Variants in RPS6KC1 observed in about 807,000 individuals in gnomAD.
RPS6KC1 encodes inactive ribosomal protein S6 kinase delta-1.
In RPS6KC1, 54 loss-of-function variants were observed where a neutral mutation model predicts 103.8. That is an observed-to-expected ratio of 0.52 (90% confidence interval 0.42 to 0.65). The LOEUF (loss-of-function observed/expected upper bound fraction) is 0.65. Ranked by LOEUF, RPS6KC1 falls within the 30% of genes least tolerant of loss-of-function variation. The pLI, the probability that RPS6KC1 is intolerant of heterozygous loss-of-function variation, is 0.00. For synonymous variants in RPS6KC1, 439 were observed against 438.7 expected, an observed-to-expected ratio of 1.00 and a Z score of -0.01; for missense variants, 1,151 against 1,253.8, an observed-to-expected ratio of 0.92 and a Z score of 1.24.
chr1:213,813,641 T>TA, the RPS6KC1 span, among the ~76,000 whole-genome samples: 1 of 152,180 alleles, frequency 6.6e-6, no homozygotes, highest in African/African-American at 2.4e-5. Context: ...CTACTAACAC[T>TA]AAAAACCTTT....
chr1:213,345,089 G>A, the RPS6KC1 span, among the ~76,000 whole-genome samples: 2 of 152,052 alleles, frequency 1.3e-5, no homozygotes, highest in Non-Finnish European at 2.9e-5. Flanking sequence ...TATACTATTT[G>A]GTTCTGCAGT....
chr1:213,091,832 AATAGTT>A (rs1259208891), intron 3 of RPS6KC1, among the ~76,000 whole-genome samples: 2 of 152,234 alleles, frequency 1.3e-5, no homozygotes, highest in Non-Finnish European at 1.5e-5. Context: ...TCCAAATCTG[AATAGTT>A]ATAGTTTGTT....
the RPS6KC1 span, among the ~76,000 whole-genome samples, chr1:213,700,604 A>G: frequency 1.3e-5 from 2 of 151,430 alleles, no homozygotes; most frequent in African/African-American, 4.9e-5. Flanking sequence ...TGTCATTGGT[A>G]TTTTGATCAA....
chr1:213,816,444 C>G, the RPS6KC1 span, among the ~76,000 whole-genome samples: 1 of 152,168 alleles, frequency 6.6e-6, no homozygotes, highest in Middle Eastern at 3.2e-3. Context: ...TTCCATTTTG[C>G]CCTTAAGAGT....
rs769608427 is a variant in RPS6KC1 at position 213,167,855 on chromosome 1, T to TA, written c.836-2dup. 5.4e-5 allele frequency: 85 copies of TA among 1,587,800 alleles called. No homozygotes were observed. Among genetic ancestry groups the TA allele is most frequent in the Non-Finnish European group, 7.3e-5 (85 of 1,168,704 alleles). On this transcript the variant is annotated splice_polypyrimidine_tract_variant and splice_region_variant and intron_variant, in intron 6 of 14. Transcript: ENST00000366960. ...TTTTACATGTCCAGACTTTTTTTTT[T>TA]AGGAGAGTCAAGCCCTACCCGTCGA... is the stretch of plus-strand genomic sequence containing the variant.
the RPS6KC1 span, among the ~76,000 whole-genome samples, chr1:213,584,515 G>A: frequency 6.6e-6 from 1 of 152,204 alleles, no homozygotes. Flanking sequence ...ATCTATGGAT[G>A]CTCTGGTGCA....
chr1:213,838,436 G>A, the RPS6KC1 span, among the ~76,000 whole-genome samples: 1 of 152,114 alleles, frequency 6.6e-6, no homozygotes, highest in Non-Finnish European at 1.5e-5. Flanking sequence ...TTCTTTCCCT[G>A]AGCAAAGAAG....
At chr1:213,603,550 G>A in the RPS6KC1 span, among the ~76,000 whole-genome samples, 28 of 151,888 alleles carry the variant, frequency 1.8e-4, no homozygotes, top group African/African-American at 5.1e-4. Flanking sequence ...TCGAATGATT[G>A]ATTTTTTTTG....
chr1:213,814,647 T>A, the RPS6KC1 span, among the ~76,000 whole-genome samples: 1 of 152,198 alleles, frequency 6.6e-6, no homozygotes, highest in Non-Finnish European at 1.5e-5. Flanking sequence ...ACTGAATGGT[T>A]ATTCAGGGCT....
At chr1:213,516,417 T>A in the RPS6KC1 span, among the ~76,000 whole-genome samples, 1 of 152,224 alleles carries the variant, frequency 6.6e-6, no homozygotes, top group African/African-American at 2.4e-5. Context: ...AATACCTAAT[T>A]TATTGAGAAT....
chr1:213,599,005 A>G, the RPS6KC1 span, among the ~76,000 whole-genome samples: 1 of 152,218 alleles, frequency 6.6e-6, no homozygotes, highest in Non-Finnish European at 1.5e-5. Context: ...CTGGCATAAA[A>G]TGTAAAAATG....
the RPS6KC1 span, among the ~76,000 whole-genome samples, chr1:213,619,298 A>G: frequency 3.9e-5 from 6 of 152,336 alleles, no homozygotes; most frequent in South Asian, 1.2e-3. Flanking sequence ...TCTCATGTGC[A>G]TCTCTTTTTA....
At chr1:213,052,961 TAA>T (rs1184147602) in intron 1 of RPS6KC1, among the ~76,000 whole-genome samples, 1 of 152,186 alleles carries the variant, frequency 6.6e-6, no homozygotes, top group African/African-American at 2.4e-5. Context: ...CATGTCTGTA[TAA>T]AGATAATGAG....
At chr1:213,198,493 T>C (rs1227426480) in intron 8 of RPS6KC1, among the ~76,000 whole-genome samples, 2 of 152,232 alleles carry the variant, frequency 1.3e-5, no homozygotes, top group African/African-American at 4.8e-5. Context: ...TTTAGATGTC[T>C]AGATCTCTGG....
the RPS6KC1 span, among the ~76,000 whole-genome samples, chr1:213,749,806 G>A: frequency 1.3e-5 from 2 of 152,168 alleles, no homozygotes; most frequent in African/African-American, 2.4e-5. Flanking sequence ...CCCCAAACTC[G>A]CACTTGGAAT....
the RPS6KC1 span, among the ~76,000 whole-genome samples, chr1:213,539,051 C>T: frequency 3.9e-5 from 6 of 152,316 alleles, no homozygotes; most frequent in East Asian, 7.7e-4. Context: ...TGTTGGGTAA[C>T]TGAAGATGCT....
At chr1:213,130,279 AC>A (rs1172960502) in intron 6 of RPS6KC1, among the ~76,000 whole-genome samples, 1 of 152,214 alleles carries the variant, frequency 6.6e-6, no homozygotes, top group African/African-American at 2.4e-5. Context: ...GGATTTTTAA[AC>A]TAAGAGCATA....
In RPS6KC1 at chr1:213,241,227, C is replaced by T; in HGVS notation, c.1751C>T (p.Pro584Leu). 3 of 1,613,778 alleles carry T rather than the reference C, an allele frequency of 1.9e-6. No individual in the cohort carries two copies. The highest frequency in any genetic ancestry group is 1.7e-6 in the Non-Finnish European group (2 of 1,179,832). The change falls in exon 11 of 15, where the codon CCA becomes CTA. Residue 584 changes from proline to leucine, a missense_variant. Pro to Leu is a moderately conservative substitution (Grantham distance 98). Around this residue, in one of 3 missense-constraint regions of RPS6KC1, gnomAD observed 959 missense variants for 1,006.3 expected, o/e 0.95. Transcript: ENST00000366960. Reference sequence around the variant, plus strand: ...GATGACCCAGAAGCAGTTAGTTCTCCAAGAACATCAGATTCCCTCAGTAGA... The same window carrying T: ...GATGACCCAGAAGCAGTTAGTTCTCTAAGAACATCAGATTCCCTCAGTAGA... The part of the protein sequence containing the change: ...PNDDPEAVSS[P>L]RTSDSLSRSK...
chr1:213,609,072 A>C, the RPS6KC1 span, among the ~76,000 whole-genome samples: 1 of 152,216 alleles, frequency 6.6e-6, no homozygotes, highest in Non-Finnish European at 1.5e-5. Context: ...AAAAATTGAA[A>C]TGGAGGAGGA....
Sources: allele counts gnomAD v4.1 joint callset (sites outside exome capture counted in the v4.1 genomes callset), GRCh38; gene constraint gnomAD v4.1.1; regional missense constraint gnomAD v4.1.1; transcripts MANE v1.5; gene names NCBI Gene and HGNC (gene_info 2026-07-23, HGNC 2026-07-21).